The following ADAMTSL1 variants were observed in gnomAD, a reference collection of about 807,000 sequenced individuals.
ADAMTSL1 encodes the protein ADAMTS like 1, also known as ADAMTS-like protein 1.
Under a neutral mutation model 201.8 loss-of-function variants are expected in ADAMTSL1, and 126 were observed. That is an observed-to-expected ratio of 0.62 (90% confidence interval 0.54 to 0.72). The LOEUF (loss-of-function observed/expected upper bound fraction) is 0.72, where lower values mean the gene tolerates loss of function less well. Ranked by LOEUF, ADAMTSL1 falls within the 30% of genes least tolerant of loss-of-function variation. The pLI is 0.00. For missense variants in ADAMTSL1, 2,679 were observed against 2,277.8 expected (o/e 1.18, Z -3.59); for synonymous variants, 1,121 against 903.4 (o/e 1.24, Z -4.32).
At chr9:18,511,163 A>C (rs1368212136) in intron 2 of ADAMTSL1, among the ~76,000 whole-genome samples, 1 of 152,148 alleles carries the variant, frequency 6.6e-6, no homozygotes, top group Admixed American at 6.5e-5. Context: ...GTGTGATGTG[A>C]ACCTTTGCAC....
intron 1 of ADAMTSL1, among the ~76,000 whole-genome samples, chr9:18,096,927 A>G (rs1200338317): frequency 6.6e-6 from 1 of 152,190 alleles, no homozygotes; most frequent in Non-Finnish European, 1.5e-5. Flanking sequence ...CTTTTAAATC[A>G]ACTTTGTTGA....
At chr9:18,237,604 C>T (rs1830897405) in intron 2 of ADAMTSL1, among the ~76,000 whole-genome samples, 1 of 152,140 alleles carries the variant, frequency 6.6e-6, no homozygotes, top group Non-Finnish European at 1.5e-5. Flanking sequence ...TACTGACTGC[C>T]TCTGAGATAC....
At chr9:18,780,168 A>G (rs1387173990) in intron 19 of ADAMTSL1, among the ~76,000 whole-genome samples, 1 of 152,212 alleles carries the variant, frequency 6.6e-6, no homozygotes, top group Non-Finnish European at 1.5e-5. Context: ...TGGTGACTGC[A>G]GGAATGATGT....
At chr9:18,202,890 C>G (rs1357191762) in intron 2 of ADAMTSL1, among the ~76,000 whole-genome samples, 1 of 152,048 alleles carries the variant, frequency 6.6e-6, no homozygotes, top group African/African-American at 2.4e-5. Context: ...CTCAAGAGCT[C>G]TTTCCAGAGT....
intron 23 of ADAMTSL1, among the ~76,000 whole-genome samples, chr9:18,870,367 T>G (rs557464215): frequency 6.6e-6 from 1 of 152,330 alleles, no homozygotes; most frequent in Admixed American, 6.5e-5. Flanking sequence ...GAACATTTAT[T>G]TTTGGTCTAA....
At chr9:18,373,643 T>C (rs1837153928) in intron 2 of ADAMTSL1, among the ~76,000 whole-genome samples, 1 of 152,216 alleles carries the variant, frequency 6.6e-6, no homozygotes, top group Non-Finnish European at 1.5e-5. Context: ...AGATCTACAC[T>C]TGACACCACT....
At chr9:18,518,685 A>C (rs963791544) in intron 2 of ADAMTSL1, among the ~76,000 whole-genome samples, 5 of 152,016 alleles carry the variant, frequency 3.3e-5, no homozygotes, top group African/African-American at 1.2e-4. Context: ...TGCTAGGTTA[A>C]ATGGTAATAT....
At chr9:18,337,775 C>A (rs973394770) in intron 2 of ADAMTSL1, among the ~76,000 whole-genome samples, 1 of 152,122 alleles carries the variant, frequency 6.6e-6, no homozygotes, top group Non-Finnish European at 1.5e-5. Context: ...AAAATAAATT[C>A]CTTCTGGGTT....
At chr9:18,404,887 T>C (rs1818123702) in intron 2 of ADAMTSL1, among the ~76,000 whole-genome samples, 1 of 152,176 alleles carries the variant, frequency 6.6e-6, no homozygotes, top group Non-Finnish European at 1.5e-5. Context: ...CCAGGTTGTA[T>C]CTTGTTGTTC....
chr9:17,961,425 T>G (rs1817750474), intron 1 of ADAMTSL1, among the ~76,000 whole-genome samples: 1 of 151,932 alleles, frequency 6.6e-6, no homozygotes, highest in East Asian at 1.9e-4. Flanking sequence ...ATTTCGTATA[T>G]TTTTTAGTAG....
chr9:18,389,007 G>T (rs138674896), intron 2 of ADAMTSL1, among the ~76,000 whole-genome samples: 1 of 151,564 alleles, frequency 6.6e-6, no homozygotes, highest in Non-Finnish European at 1.5e-5. Context: ...CACCCTCCTC[G>T]GCCTCCCAAA....
At chr9:18,808,655 T>A (rs1823308599) in intron 20 of ADAMTSL1, among the ~76,000 whole-genome samples, 1 of 152,246 alleles carries the variant, frequency 6.6e-6, no homozygotes, top group South Asian at 2.1e-4. Context: ...TAACCTCATT[T>A]TCCCCACTGG....
intron 2 of ADAMTSL1, among the ~76,000 whole-genome samples, chr9:18,200,027 T>C (rs1434792227): frequency 1.3e-5 from 2 of 152,044 alleles, no homozygotes; most frequent in Admixed American, 6.6e-5. Context: ...ATGATGGCTC[T>C]TAGCTAAACT....
intron 1 of ADAMTSL1, among the ~76,000 whole-genome samples, chr9:18,112,486 GT>G (rs200200528): frequency 0.017 from 2,512 of 144,816 alleles, 62 homozygotes; most frequent in African/African-American, 0.052. Context: ...ATTTTTTTGG[GT>G]TTTTTTTTTT....
chr9:17,971,533 G>A (rs1483573306), intron 1 of ADAMTSL1, among the ~76,000 whole-genome samples: 1 of 151,526 alleles, frequency 6.6e-6, no homozygotes, highest in African/African-American at 2.4e-5. Context: ...TTCACAGAGA[G>A]AACAATCATA....
chr9:18,398,637 T>C (rs1475317662), intron 2 of ADAMTSL1, among the ~76,000 whole-genome samples: 3 of 152,192 alleles, frequency 2.0e-5, no homozygotes, highest in Non-Finnish European at 4.4e-5. Context: ...AATTTTGCTT[T>C]ACATAATTTA....
At chr9:18,749,389 G>A (rs898251431) in intron 15 of ADAMTSL1, among the ~76,000 whole-genome samples, 1 of 152,104 alleles carries the variant, frequency 6.6e-6, no homozygotes, top group Non-Finnish European at 1.5e-5. Context: ...TGAAGAAGTA[G>A]CATTTTAAAT....
chr9:18,485,760 A>G (rs1821959289), intron 1 of ADAMTSL1, among the ~76,000 whole-genome samples: 1 of 152,236 alleles, frequency 6.6e-6, no homozygotes, highest in Admixed American at 6.5e-5. Flanking sequence ...GAGCACAGCC[A>G]GATCATGCAG....
intron 20 of ADAMTSL1, among the ~76,000 whole-genome samples, chr9:18,807,252 G>A (rs1464484321): frequency 6.6e-6 from 1 of 152,104 alleles, no homozygotes; most frequent in African/African-American, 2.4e-5. Context: ...CAAATTTACA[G>A]ATTAAATGAA....
Sources: gnomAD v4.1 joint callset for allele counts (sites outside exome capture counted in the v4.1 genomes callset) on GRCh38, gnomAD v4.1.1 for gene constraint, MANE v1.5 for transcripts, NCBI Gene and HGNC (gene_info 2026-07-23, HGNC 2026-07-21) for gene names.